The following PLOD1 variants were observed in gnomAD, a reference collection of about 807,000 sequenced individuals.
PLOD1 encodes the protein procollagen-lysine,2-oxoglutarate 5-dioxygenase 1, also known as lysine hydroxylase.
A neutral mutation model predicts 94.7 loss-of-function variants in PLOD1; 70 were observed. The ratio of observed to expected loss-of-function variants is 0.74; its 90% CI spans 0.61 to 0.90. PLOD1 has a LOEUF of 0.90. Ranked by LOEUF, PLOD1 falls within the 40% of genes least tolerant of loss-of-function variation. PLOD1 has a pLI of 0.00. For missense variants in PLOD1, 905 were observed against 972.7 expected (o/e 0.93, Z 0.93); for synonymous variants, 417 against 400.2 (o/e 1.04, Z -0.50).
intron 1 of PLOD1, among the ~76,000 whole-genome samples, chr1:11,941,374 C>T (rs141030027): frequency 0.026 from 3,887 of 151,946 alleles, 164 homozygotes; most frequent in African/African-American, 0.088. Flanking sequence ...CTCTGTCACC[C>T]GGGCTGGGGT....
intron 4 of PLOD1, among the ~76,000 whole-genome samples, chr1:11,951,019 C>T (rs911375059): frequency 6.6e-6 from 1 of 151,984 alleles, no homozygotes; most frequent in African/African-American, 2.4e-5. Context: ...GTCTCGAACT[C>T]CTGGCCTTAA....
chr1:11,967,497 G>A (rs1011500280), intron 16 of PLOD1, among the ~76,000 whole-genome samples: 7 of 148,976 alleles, frequency 4.7e-5, no homozygotes, highest in South Asian at 2.1e-4. Context: ...CCTGCTGAGG[G>A]TGCTAGGCCC....
intron 18 of PLOD1, among the ~76,000 whole-genome samples, chr1:11,973,639 G>A (rs1645882036): frequency 6.6e-6 from 1 of 151,538 alleles, no homozygotes; most frequent in African/African-American, 2.4e-5. Flanking sequence ...GAGTGTAGTG[G>A]CATGATCACA....
chr1:11,949,797 A>T lies in PLOD1; in HGVS notation c.193A>T (p.Asn65Tyr), dbSNP rs143604754. The change falls in exon 3 of 19, where the codon AAT (asparagine) becomes TAT (tyrosine). Residue 65 changes from asparagine to tyrosine, a missense_variant. Asn to Tyr is a moderately radical substitution (Grantham distance 143). Transcript: ENST00000196061. ...IQALGLGEDW[N>Y]VEKGTSAGGG... Reference sequence around the variant, plus strand: ...GGCGCTTGGCCTAGGGGAGGACTGGAATGTGGAGAAGGGGACGTCGGCAGG... The same window carrying T: ...GGCGCTTGGCCTAGGGGAGGACTGGTATGTGGAGAAGGGGACGTCGGCAGG... 1.5e-5 allele frequency: 24 copies of T among 1,613,876 alleles called. No individual in the cohort carries two copies. The African/African-American group carries it at 2.9e-4, about 20-fold the overall frequency.
chr1:11,968,852 T>C (rs1645841028), intron 16 of PLOD1, among the ~76,000 whole-genome samples: 3 of 148,992 alleles, frequency 2.0e-5, no homozygotes, highest in East Asian at 2.0e-4. Flanking sequence ...TTTTTTTTTT[T>C]TTTTGGTGAA....
At chr1:11,935,792 T>G (rs1400413356) in intron 1 of PLOD1, among the ~76,000 whole-genome samples, 1 of 152,124 alleles carries the variant, frequency 6.6e-6, no homozygotes, top group African/African-American at 2.4e-5. Flanking sequence ...GCCTAGCTAA[T>G]TTTTGTATTT....
rs141692280 is a variant in PLOD1, at chr1:11,970,703, C to T, written c.1789C>T (p.Pro597Ser). The T allele has an allele frequency of 4.0e-5, 65 of 1,613,130 alleles. No individual in the cohort carries two copies. In the African/African-American group the frequency reaches 6.8e-4, roughly 17 times the overall value. Residue 597 changes from proline to serine, a missense_variant, in exon 17 of 19, where the codon CCG becomes TCG. Pro to Ser is a moderately conservative substitution (Grantham distance 74). Coordinates refer to ENST00000196061, the MANE Select transcript of PLOD1 (RefSeq NM_000302.4). ...NRIQGGYENV[P>S]TIDIHMNQIG... ...CATCCAGGGTGGCTACGAGAACGTG[C>T]CGACTATTGACATCCACATGAACCA...
chr1:11,940,521 C>T (rs1645608457), intron 1 of PLOD1, among the ~76,000 whole-genome samples: 1 of 152,228 alleles, frequency 6.6e-6, no homozygotes, highest in Admixed American at 6.5e-5. Context: ...GAGGTACTAT[C>T]ATCTGTATTA....
Position 11,934,771 on chromosome 1 carries a change from A to G in PLOD1, c.-9A>G, listed in dbSNP as rs1478528211. On this transcript the variant is annotated 5_prime_UTR_variant, in exon 1 of 19. It adds an upstream start codon to the 5' untranslated region. Transcript: ENST00000196061. ...GCCGGGTCGGCCGATCGTCCCCCAT[A>G]CCTCGGCCATGCGGCCCCTGCTGCT... 1.3e-6 allele frequency: 2 copies of G among 1,534,078 alleles called. No individual in the cohort carries two copies. The highest frequency in any genetic ancestry group is 2.0e-5 in the Admixed American group (1 of 50,706).
intron 5 of PLOD1, chr1:11,954,485 T>C (rs1252361056): frequency 9.1e-6 from 5 of 549,250 alleles, no homozygotes; most frequent in Admixed American, 2.0e-5. Context: ...AAACTCTTTC[T>C]CAAAAAAAAG....
chr1:11,938,773 C>T (rs1439990714), intron 1 of PLOD1, among the ~76,000 whole-genome samples: 1 of 152,098 alleles, frequency 6.6e-6, no homozygotes, highest in Non-Finnish European at 1.5e-5. Context: ...GGCCTTGGTG[C>T]ATGGAGAGAA....
chr1:11,942,875 G>C (rs886485531), intron 1 of PLOD1, among the ~76,000 whole-genome samples: 15 of 152,198 alleles, frequency 9.9e-5, no homozygotes, highest in Non-Finnish European at 1.5e-5. Flanking sequence ...CTGATGTGTG[G>C]GCAGGTTTGG....
At chr1:11,940,783 A>G (rs6674770) in intron 1 of PLOD1, among the ~76,000 whole-genome samples, 39,463 of 152,070 alleles carry the variant, frequency 0.26, 7,462 homozygotes, top group African/African-American at 0.54. Context: ...GGGCCTTGGT[A>G]CTCGAAAATG....
intron 1 of PLOD1, among the ~76,000 whole-genome samples, chr1:11,936,851 CTTTTT>C (rs111736832): frequency 7.1e-6 from 1 of 140,992 alleles, no homozygotes; most frequent in African/African-American, 2.6e-5. Context: ...TCTTTTCTTT[CTTTTT>C]TTTTTTTTGA....
intron 1 of PLOD1, among the ~76,000 whole-genome samples, chr1:11,939,827 C>A (rs971062716): frequency 6.6e-6 from 1 of 152,130 alleles, no homozygotes; most frequent in African/African-American, 2.4e-5. Flanking sequence ...AGGCTGGTCT[C>A]GAGCTCCTGA....
At chr1:11,951,905 C>A (rs1052590244) in intron 4 of PLOD1, among the ~76,000 whole-genome samples, 1 of 151,552 alleles carries the variant, frequency 6.6e-6, no homozygotes, top group Non-Finnish European at 1.5e-5. Flanking sequence ...GGCGACAGAG[C>A]GAGACATTGT....
intron 16 of PLOD1, among the ~76,000 whole-genome samples, chr1:11,968,717 T>C (rs1473836623): frequency 6.6e-6 from 1 of 151,894 alleles, no homozygotes. Flanking sequence ...TTCACCATTT[T>C]GGTCAGGCTG....
chr1:11,960,892 C>G, intron 10 of PLOD1, 125 bp downstream of exon 10: 1 of 1,383,244 alleles, frequency 7.2e-7, no homozygotes, highest in South Asian at 1.3e-5. Flanking sequence ...AGTTCCTGCC[C>G]CTTTCTGGGC....
At position 11,967,311 on chromosome 1, in the gene PLOD1, G is replaced by T. The variant is rs536848255; in HGVS notation, c.1755+220G>T. On this transcript the variant is annotated intron_variant, in intron 16 of 18. Coordinates refer to ENST00000196061, the MANE Select transcript of PLOD1 (RefSeq NM_000302.4). ...GCTGCTGTTGCCACCGTGTGGCTTTGAGTTGCCTTGACCGTAAGCTACTAG... is the reference window on the plus strand; with the variant it reads ...GCTGCTGTTGCCACCGTGTGGCTTTTAGTTGCCTTGACCGTAAGCTACTAG... Among the ~76,000 whole-genome samples, 445 of 152,160 alleles carry T rather than the reference G, an allele frequency of 2.9e-3. 3 individuals carry two copies. The highest frequency in any genetic ancestry group is 6.8e-3 in the Middle Eastern group (2 of 294).
Sources: gnomAD v4.1 joint callset for allele counts (sites outside exome capture counted in the v4.1 genomes callset) on GRCh38, gnomAD v4.1.1 for gene constraint, MANE v1.5 for transcripts, NCBI Gene and HGNC (gene_info 2026-07-23, HGNC 2026-07-21) for gene names.